The following L3MBTL4 variants were observed in gnomAD, a reference collection of about 807,000 sequenced individuals.
L3MBTL4 encodes L3MBTL histone methyl-lysine binding protein 4, also known as lethal(3)malignant brain tumor-like protein 4.
L3MBTL4 carries 70 observed loss-of-function variants against 84.5 expected under a neutral mutation model. That is an observed-to-expected ratio of 0.83 (90% CI 0.68 to 1.01). L3MBTL4 has a LOEUF of 1.01. L3MBTL4 is among the 50% of genes least tolerant of loss of function. The pLI is 0.00. For synonymous variants in L3MBTL4, 274 were observed against 259.8 expected (o/e 1.05, Z -0.52); for missense variants, 715 against 754.8 (o/e 0.95, Z 0.62).
chr18:5,969,401 C>G lies in L3MBTL4; in HGVS notation c.1606G>C (p.Val536Leu). 6.2e-7 allele frequency: 1 copy of G among 1,614,000 alleles called. No homozygotes were observed. Among genetic ancestry groups the G allele is most frequent in the Non-Finnish European group, 8.5e-7 (1 of 1,180,028 alleles). Residue 536 changes from valine to leucine, a missense_variant, in exon 17 of 19, where the codon GTG becomes CTG. Physicochemically the swap from Val to Leu is conservative, Grantham distance 32 (BLOSUM62 1). Transcript: ENST00000317931. ...IRASQVARWT[V>L]DEVAEFVQSL... ...CCAGCAGCTCCACTCACCTCATCCA[C>G]AGTCCAACGTGCCACTTGGCTGGCC...
At chr18:6,191,673 G>C (rs1420279755) in intron 12 of L3MBTL4, among the ~76,000 whole-genome samples, 1 of 152,116 alleles carries the variant, frequency 6.6e-6, no homozygotes, top group Non-Finnish European at 1.5e-5. Flanking sequence ...GTCCAGTGAC[G>C]AGCCCCAGTG....
intron 10 of L3MBTL4, 118 bp downstream of exon 10, chr18:6,237,846 G>T: frequency 1.3e-6 from 1 of 772,652 alleles, no homozygotes; most frequent in Non-Finnish European, 2.3e-6. Flanking sequence ...ATCTCACATA[G>T]TGTTTTTATC....
chr18:6,127,005 C>T (rs2059716677), intron 14 of L3MBTL4, among the ~76,000 whole-genome samples: 1 of 152,156 alleles, frequency 6.6e-6, no homozygotes, highest in South Asian at 2.1e-4. Flanking sequence ...GAGGTGCTTT[C>T]CTGGCATGAT....
At chr18:6,009,314 CCAGTCTCTGGTCCTCAGG>C (rs2054629097) in intron 16 of L3MBTL4, among the ~76,000 whole-genome samples, 1 of 152,140 alleles carries the variant, frequency 6.6e-6, no homozygotes, top group African/African-American at 2.4e-5. Flanking sequence ...CAGGATGAGG[CCAGTCTCTGGTCCTCAGG>C]CAGCAGAGGA....
chr18:6,083,376 G>A (rs2058145328), intron 15 of L3MBTL4, among the ~76,000 whole-genome samples: 1 of 152,162 alleles, frequency 6.6e-6, no homozygotes, highest in Non-Finnish European at 1.5e-5. Context: ...TTGTTTGGCT[G>A]AAGCACCATG....
At chr18:6,304,463 C>T (rs1445134437) in intron 3 of L3MBTL4, among the ~76,000 whole-genome samples, 2 of 152,250 alleles carry the variant, frequency 1.3e-5, no homozygotes, top group Non-Finnish European at 2.9e-5. Context: ...GCATTTGAAT[C>T]ATCTGGGAAT....
At chr18:6,238,401 CG>C (rs1261301201) in intron 9 of L3MBTL4, among the ~76,000 whole-genome samples, 1 of 152,036 alleles carries the variant, frequency 6.6e-6, no homozygotes, top group Non-Finnish European at 1.5e-5. Flanking sequence ...GGTGTGGTGG[CG>C]GGCGCCTGTA....
chr18:6,105,173 A>T (rs2058960415), intron 14 of L3MBTL4, among the ~76,000 whole-genome samples: 1 of 148,616 alleles, frequency 6.7e-6, no homozygotes, highest in South Asian at 2.1e-4. Flanking sequence ...TGTTGTTGAG[A>T]ACACCACCAA....
At chr18:6,070,607 A>G (rs2057555035) in intron 16 of L3MBTL4, among the ~76,000 whole-genome samples, 1 of 151,932 alleles carries the variant, frequency 6.6e-6, no homozygotes, top group Non-Finnish European at 1.5e-5. Flanking sequence ...GTTTGAACCC[A>G]GGAGTTTGAG....
chr18:6,146,010 G>A (rs1256206396), intron 13 of L3MBTL4, among the ~76,000 whole-genome samples: 1 of 152,230 alleles, frequency 6.6e-6, no homozygotes, highest in Non-Finnish European at 1.5e-5. Context: ...CAGAGAAGGA[G>A]TGCTGATATT....
intron 14 of L3MBTL4, among the ~76,000 whole-genome samples, chr18:6,095,774 C>T (rs1025050770): frequency 1.3e-5 from 2 of 152,138 alleles, no homozygotes; most frequent in Non-Finnish European, 2.9e-5. Context: ...GTCCTGGTTG[C>T]TGGTGGGGAA....
intron 16 of L3MBTL4, among the ~76,000 whole-genome samples, chr18:6,001,091 G>A (rs1055780961): frequency 6.6e-6 from 1 of 152,222 alleles, no homozygotes; most frequent in Non-Finnish European, 1.5e-5. Context: ...CAATCTGGGT[G>A]CAACTTGCAT....
At chr18:6,268,762 A>G (rs917305281) in intron 4 of L3MBTL4, among the ~76,000 whole-genome samples, 5 of 152,230 alleles carry the variant, frequency 3.3e-5, no homozygotes, top group Non-Finnish European at 7.3e-5. Flanking sequence ...ATTTGATTAA[A>G]TATTACCTGT....
At chr18:6,020,832 T>C (rs1052458670) in intron 16 of L3MBTL4, among the ~76,000 whole-genome samples, 17 of 152,172 alleles carry the variant, frequency 1.1e-4, no homozygotes, top group Non-Finnish European at 2.1e-4. Flanking sequence ...TAGTTTCATA[T>C]GTCTGGGGTG....
intron 14 of L3MBTL4, among the ~76,000 whole-genome samples, chr18:6,134,007 C>T (rs976978455): frequency 6.6e-6 from 1 of 152,156 alleles, no homozygotes; most frequent in African/African-American, 2.4e-5. Flanking sequence ...CTGATAAAGA[C>T]ATACCCGAGA....
At chr18:6,323,999 A>G (rs943897987) in intron 1 of L3MBTL4, among the ~76,000 whole-genome samples, 1 of 151,566 alleles carries the variant, frequency 6.6e-6, no homozygotes, top group African/African-American at 2.4e-5. Flanking sequence ...TGCCCTGTGC[A>G]GCCTCAGGAC....
intron 17 of L3MBTL4, 27 bp downstream of exon 17, chr18:5,969,366 C>T: frequency 6.2e-7 from 1 of 1,612,930 alleles, no homozygotes. Flanking sequence ...CACACCCCAG[C>T]CCTGGCCCCC....
At chr18:6,231,296 G>A (rs896688147) in intron 10 of L3MBTL4, among the ~76,000 whole-genome samples, 4 of 152,098 alleles carry the variant, frequency 2.6e-5, no homozygotes, top group Non-Finnish European at 5.9e-5. Flanking sequence ...TTCTGTATAT[G>A]GCTAGCCATC....
intron 12 of L3MBTL4, among the ~76,000 whole-genome samples, chr18:6,208,243 T>TC: frequency 6.6e-6 from 1 of 152,200 alleles, no homozygotes; most frequent in East Asian, 1.9e-4. Flanking sequence ...CTAACTCATA[T>TC]CTGGACTTTT....
Sources: allele counts gnomAD v4.1 joint callset (sites outside exome capture counted in the v4.1 genomes callset), GRCh38; gene constraint gnomAD v4.1.1; transcripts MANE v1.5; gene names NCBI Gene and HGNC (gene_info 2026-07-23, HGNC 2026-07-21).